PUDP: variants seen among roughly 807,000 people sequenced by gnomAD.
PUDP encodes the protein pseudouridine 5'-phosphatase.
PUDP carries 8 observed loss-of-function variants against 9.4 expected under a neutral mutation model. The ratio of observed to expected loss-of-function variants is 0.85; its 90% CI spans 0.50 to 1.53. PUDP has a LOEUF of 1.53. PUDP is among the 40% of genes most tolerant of loss of function. The pLI, the probability that PUDP is intolerant of heterozygous loss-of-function variation, is 0.00. For synonymous variants in PUDP, 99 were observed against 80.7 expected (o/e 1.23, Z -1.22); for missense variants, 188 against 189.7 (o/e 0.99, Z 0.05).
At chrX:7,044,685 C>T (rs988849671), downstream of PUDP, among the ~76,000 whole-genome samples, 5 of 112,174 alleles carry the variant, frequency 4.5e-5, no homozygotes, top group Middle Eastern at 4.2e-3. Flanking sequence ...AGCCCAGGGG[C>T]GCATGTTCTT....
intron 2 of PUDP, among the ~76,000 whole-genome samples, chrX:7,093,392 G>C (rs1283097167): frequency 8.9e-6 from 1 of 112,370 alleles, no homozygotes; most frequent in Non-Finnish European, 1.9e-5. Flanking sequence ...TACCTTCTCT[G>C]TGTGGCAGAT....
chrX:6,978,336 T>C, exon 2 of PUDP, among the ~76,000 whole-genome samples: 1 of 95,694 alleles, frequency 1.0e-5, no homozygotes, highest in African/African-American at 3.6e-5. Context: ...TGCCATGTAA[T>C]GTTCTTTCTA....
At chrX:6,726,874 A>G (rs1924744726) in intron 3 of PUDP, among the ~76,000 whole-genome samples, 1 of 111,933 alleles carries the variant, frequency 8.9e-6, no homozygotes, top group Non-Finnish European at 1.9e-5. Context: ...ATTAAAATCA[A>G]TTTCAATTTT....
intron 3 of PUDP, among the ~76,000 whole-genome samples, chrX:6,786,272 C>G (rs986952625): frequency 9.0e-6 from 1 of 111,418 alleles, no homozygotes; most frequent in Non-Finnish European, 1.9e-5. Flanking sequence ...ATTTACAAAC[C>G]CTGAAGCAGA....
At chrX:6,917,301 A>T (rs1279455782) in intron 3 of PUDP, among the ~76,000 whole-genome samples, 1 of 110,800 alleles carries the variant, frequency 9.0e-6, no homozygotes, top group African/African-American at 3.3e-5. Flanking sequence ...CAGGAGGTCG[A>T]AAGTACAGTG....
chrX:6,715,251 A>G (rs888676160), intron 1 of PUDP, among the ~76,000 whole-genome samples: 1 of 110,903 alleles, frequency 9.0e-6, no homozygotes, highest in African/African-American at 3.3e-5. Flanking sequence ...ATATTTGTAC[A>G]TCATTTTGTG....
chrX:6,774,993 GT>G (rs1343386104), intron 3 of PUDP, among the ~76,000 whole-genome samples: 12 of 112,053 alleles, frequency 1.1e-4, no homozygotes, highest in African/African-American at 3.9e-4. Context: ...TCAATTAACT[GT>G]TTTAGAGTGT....
rs770213003 is a variant in PUDP, at chrX:7,009,662, T to C, written c.205-31319A>G. Among the ~76,000 whole-genome samples the C allele has an allele frequency of 7.2e-5, 8 of 110,903 alleles. No homozygotes were observed. The East Asian group carries it at 1.4e-3, about 20-fold the overall frequency. ...ATTGGTATGGTGATGTTACCTACTT[T>C]TGGAGTGGAGCTAGATATGAGAGAG... On this transcript the variant is annotated intron_variant and NMD_transcript_variant, in intron 1 of 3. Coordinates refer to the PUDP transcript ENST00000655425.
chrX:6,821,182 C>A (rs1025548059), intron 3 of PUDP, among the ~76,000 whole-genome samples: 35 of 111,296 alleles, frequency 3.1e-4, no homozygotes, highest in African/African-American at 1.1e-3. Flanking sequence ...TACAAAGCAG[C>A]AAGACACCTT....
Position 6,899,189 on chromosome X carries a change from G to A in PUDP, c.*247+77944C>T, listed in dbSNP as rs754550013. Among the ~76,000 whole-genome samples, 6 of 112,851 alleles carry A rather than the reference G, an allele frequency of 5.3e-5. No homozygotes were observed. The East Asian group carries it at 1.4e-3, about 26-fold the overall frequency. On this transcript the variant is annotated intron_variant and NMD_transcript_variant, in intron 3 of 3. Coordinates refer to the PUDP transcript ENST00000655425. Reference sequence around the variant, plus strand: ...TCATAAAGACAACTGCAATGGCTTTGAAGATGGGCCAAACAGGGTTTGATC... The same window carrying A: ...TCATAAAGACAACTGCAATGGCTTTAAAGATGGGCCAAACAGGGTTTGATC...
intron 2 of PUDP, among the ~76,000 whole-genome samples, chrX:7,080,859 C>A (rs1931061876): frequency 9.7e-6 from 1 of 103,573 alleles, no homozygotes; most frequent in Admixed American, 1.1e-4. Flanking sequence ...GTGGAGGTTG[C>A]AGTGAGCCGA....
chrX:6,746,891 C>T (rs1925006607), intron 3 of PUDP, among the ~76,000 whole-genome samples: 1 of 111,107 alleles, frequency 9.0e-6, no homozygotes, highest in African/African-American at 3.3e-5. Context: ...GTACATGTAT[C>T]TTTGTAACAG....
chrX:7,019,861 G>C (rs1397831048), intron 1 of PUDP, among the ~76,000 whole-genome samples: 3 of 111,703 alleles, frequency 2.7e-5, no homozygotes, highest in Non-Finnish European at 5.6e-5. Context: ...CAAAACTTCA[G>C]AGCAAAAATG....
At chrX:6,753,206 T>C (rs1331301769) in intron 3 of PUDP, among the ~76,000 whole-genome samples, 5 of 112,046 alleles carry the variant, frequency 4.5e-5, no homozygotes, top group Non-Finnish European at 7.5e-5. Flanking sequence ...CTCCCACTTA[T>C]GAGTGAGAAC....
intron 1 of PUDP, among the ~76,000 whole-genome samples, chrX:7,116,458 C>G (rs927545416): frequency 1.8e-5 from 2 of 111,430 alleles, no homozygotes; most frequent in Non-Finnish European, 3.8e-5. Context: ...CCACCTTGGC[C>G]ATCCGTTAGC....
chrX:6,727,790 C>T (rs1216287559), intron 3 of PUDP, among the ~76,000 whole-genome samples: 1 of 111,539 alleles, frequency 9.0e-6, no homozygotes. Context: ...GGTGGTGCAA[C>T]AGCACAGGTG....
chrX:6,761,284 G>A (rs1171186415), intron 3 of PUDP, among the ~76,000 whole-genome samples: 3 of 112,068 alleles, frequency 2.7e-5, no homozygotes. Flanking sequence ...ACACTCTGTA[G>A]AGCATCTACC....
At chrX:7,120,985 CA>C (rs1457820556) in intron 1 of PUDP, among the ~76,000 whole-genome samples, 2 of 111,612 alleles carry the variant, frequency 1.8e-5, no homozygotes, top group East Asian at 5.6e-4. Flanking sequence ...CAGAGAGAGG[CA>C]GGGGTTGCAG....
At chrX:6,846,934 A>C (rs1447999123) in intron 3 of PUDP, among the ~76,000 whole-genome samples, 1 of 110,878 alleles carries the variant, frequency 9.0e-6, no homozygotes, top group Non-Finnish European at 1.9e-5. Flanking sequence ...AATAATTATA[A>C]TTTAATATTT....
Sources: allele counts gnomAD v4.1 joint callset (sites outside exome capture counted in the v4.1 genomes callset), GRCh38; gene constraint gnomAD v4.1.1; transcripts MANE v1.5; gene names NCBI Gene and HGNC (gene_info 2026-07-23, HGNC 2026-07-21).